Variants in ZNF521 observed in about 807,000 individuals in gnomAD.
ZNF521 encodes the protein zinc finger protein 521.
A neutral mutation model predicts 105.5 loss-of-function variants in ZNF521; 14 were observed. The observed-to-expected ratio is 0.13, with a 90% confidence interval of 0.09 to 0.21. ZNF521 has a LOEUF of 0.21. Ranked by LOEUF, ZNF521 falls within the 10% of genes least tolerant of loss-of-function variation. The probability of loss-of-function intolerance (pLI) is 1.00; values close to 1 mark genes in which losing one functional copy is unlikely to be tolerated. For synonymous variants in ZNF521, 635 were observed against 606.0 expected (o/e 1.05, Z -0.70); for missense variants, 1,233 against 1,629.7 (o/e 0.76, Z 4.19).
At chr18:25,176,416 G>A (rs1308534351) in intron 5 of ZNF521, among the ~76,000 whole-genome samples, 3 of 152,116 alleles carry the variant, frequency 2.0e-5, no homozygotes, top group Admixed American at 1.3e-4. Context: ...AGCAATCTTC[G>A]TCGGGTCTCA....
intron 3 of ZNF521, among the ~76,000 whole-genome samples, chr18:25,283,308 T>C (rs146806131): frequency 1.2e-3 from 177 of 152,300 alleles, no homozygotes; most frequent in African/African-American, 3.9e-3. Context: ...CCTCTCCTAC[T>C]CATGAGGATT....
chr18:25,146,706 T>C (rs906648386), intron 5 of ZNF521, among the ~76,000 whole-genome samples: 5 of 151,932 alleles, frequency 3.3e-5, no homozygotes, highest in African/African-American at 1.2e-4. Context: ...CTCCTTTCCC[T>C]AACCAAAAAA....
intron 5 of ZNF521, among the ~76,000 whole-genome samples, chr18:25,105,106 G>A (rs1164039039): frequency 6.6e-6 from 1 of 152,200 alleles, no homozygotes; most frequent in Admixed American, 6.6e-5. Flanking sequence ...TCTGGCTCAT[G>A]TAGTTCAGTC....
chr18:25,335,479 A>T (rs568345611), intron 2 of ZNF521, among the ~76,000 whole-genome samples: 1 of 152,262 alleles, frequency 6.6e-6, no homozygotes, highest in East Asian at 1.9e-4. Flanking sequence ...CGGGAAACTA[A>T]ACTAGCACCC....
At chr18:25,259,159 G>C (rs780356645) in intron 3 of ZNF521, among the ~76,000 whole-genome samples, 1 of 152,158 alleles carries the variant, frequency 6.6e-6, no homozygotes, top group Non-Finnish European at 1.5e-5. Flanking sequence ...ACACCAAAAA[G>C]AGAAAGCTAG....
intron 5 of ZNF521, among the ~76,000 whole-genome samples, chr18:25,185,218 A>C (rs1314186075): frequency 6.6e-6 from 1 of 152,184 alleles, no homozygotes; most frequent in South Asian, 2.1e-4. Context: ...CATCTATACA[A>C]AATGGGTGAA....
chr18:25,167,620 A>G (rs532310816), intron 5 of ZNF521, among the ~76,000 whole-genome samples: 1 of 152,328 alleles, frequency 6.6e-6, no homozygotes, highest in African/African-American at 2.4e-5. Context: ...ATATGAAGAA[A>G]TGTCTCAAAT....
At chr18:25,290,572 A>G (rs1910954548) in intron 3 of ZNF521, among the ~76,000 whole-genome samples, 1 of 150,620 alleles carries the variant, frequency 6.6e-6, no homozygotes, top group Admixed American at 6.6e-5. Context: ...CTATTGAAGT[A>G]GAAGTTCAGT....
chr18:25,087,952 C>T (rs2144200044), intron 7 of ZNF521, among the ~76,000 whole-genome samples: 2 of 152,222 alleles, frequency 1.3e-5, no homozygotes, highest in South Asian at 4.1e-4. Context: ...CTGCAAATTC[C>T]TTATTTTGAC....
rs1227568202 is a variant in ZNF521 at position 25,212,565 on chromosome 18, A to ATATATATATATG, written c.3573+11779_3573+11780insCATATATATATA. Among the ~76,000 whole-genome samples the ATATATATATATG allele has an allele frequency of 5.8e-3, 648 of 112,396 alleles. 4 individuals are homozygous for ATATATATATATG. Among genetic ancestry groups the ATATATATATATG allele is most frequent in the East Asian group, 0.015 (55 of 3,618 alleles). 73.7% of individuals were successfully genotyped at this position (112,396 alleles called of 152,430 possible). A position where few individuals can be genotyped will look rare whatever the true frequency, so the allele number is the denominator to read the frequency against. On this transcript the variant is annotated intron_variant, in intron 4 of 7. Coordinates refer to ENST00000361524, the MANE Select transcript of ZNF521 (RefSeq NM_015461.3). The stretch of plus-strand genomic sequence containing the variant: ...TATATATATATATATATATATATAT[A>ATATATATATATG]TGTATAGAAACATATATTTTAAAAC...
chr18:25,278,597 C>T (rs1910181795), intron 3 of ZNF521, among the ~76,000 whole-genome samples: 1 of 152,176 alleles, frequency 6.6e-6, no homozygotes, highest in African/African-American at 2.4e-5. Context: ...AATTGAGATC[C>T]TAGCATATGG....
At chr18:25,291,565 T>G (rs1272316402) in intron 3 of ZNF521, among the ~76,000 whole-genome samples, 1 of 152,170 alleles carries the variant, frequency 6.6e-6, no homozygotes, top group African/African-American at 2.4e-5. Context: ...CCTAAGCAGT[T>G]AGTTGAATTG....
At chr18:25,129,289 ATCTGTGTCTAGATT>A (rs1276286906) in intron 5 of ZNF521, among the ~76,000 whole-genome samples, 3 of 136,806 alleles carry the variant, frequency 2.2e-5, no homozygotes, top group African/African-American at 7.6e-5. Context: ...TTATTAATTA[ATCTGTGTCTAGATT>A]TCTAGACACA....
At chr18:25,270,469 A>G (rs1298268772) in intron 3 of ZNF521, among the ~76,000 whole-genome samples, 1 of 152,236 alleles carries the variant, frequency 6.6e-6, no homozygotes, top group African/African-American at 2.4e-5. Flanking sequence ...TAGAGACACA[A>G]CAAAAAAAGA....
intron 3 of ZNF521, among the ~76,000 whole-genome samples, chr18:25,249,988 G>A (rs1306083362): frequency 6.6e-6 from 1 of 152,122 alleles, no homozygotes; most frequent in African/African-American, 2.4e-5. Flanking sequence ...GCCCTGGCTG[G>A]AGTGCTGTGG....
intron 5 of ZNF521, among the ~76,000 whole-genome samples, chr18:25,116,179 T>C (rs562040184): frequency 3.3e-5 from 5 of 152,144 alleles, no homozygotes; most frequent in Admixed American, 3.3e-4. Context: ...AAGAAGAAAA[T>C]GCTCTTATCA....
chr18:25,148,139 G>A (rs944505726), intron 5 of ZNF521, among the ~76,000 whole-genome samples: 3 of 152,124 alleles, frequency 2.0e-5, no homozygotes, highest in Non-Finnish European at 4.4e-5. Context: ...GGGACAGCTG[G>A]GTGCTAAATA....
chr18:25,239,735 T>C (rs1907177036), intron 3 of ZNF521, among the ~76,000 whole-genome samples: 1 of 152,160 alleles, frequency 6.6e-6, no homozygotes, highest in Admixed American at 6.5e-5. Flanking sequence ...GTAAGTGTGG[T>C]ATGCCATACA....
At chr18:25,272,027 T>A (rs1282588846) in intron 3 of ZNF521, among the ~76,000 whole-genome samples, 1 of 152,160 alleles carries the variant, frequency 6.6e-6, no homozygotes, top group African/African-American at 2.4e-5. Context: ...GACAAAGTGC[T>A]AATATCCTGA....
Sources: allele counts gnomAD v4.1 joint callset (sites outside exome capture counted in the v4.1 genomes callset), GRCh38; gene constraint gnomAD v4.1.1; transcripts MANE v1.5; gene names NCBI Gene and HGNC (gene_info 2026-07-23, HGNC 2026-07-21).